Variants in ATP9B observed in about 807,000 individuals in gnomAD.
ATP9B encodes the protein probable phospholipid-transporting ATPase IIB.
Under a neutral mutation model 146.1 loss-of-function variants are expected in ATP9B, and 110 were observed. The observed-to-expected ratio is 0.75, with a 90% CI of 0.65 to 0.88. The LOEUF (loss-of-function observed/expected upper bound fraction) is 0.88. ATP9B is among the 40% of genes least tolerant of loss of function. ATP9B has a pLI of 0.00. For missense variants in ATP9B, 1,499 were observed against 1,496.4 expected, an observed-to-expected ratio of 1.00 and a Z score of -0.03; for synonymous variants, 604 against 569.7, an observed-to-expected ratio of 1.06 and a Z score of -0.86.
intron 7 of ATP9B, among the ~76,000 whole-genome samples, chr18:79,168,378 G>T (rs201702374): frequency 1.2e-4 from 17 of 143,776 alleles, no homozygotes; most frequent in South Asian, 4.4e-4. Flanking sequence ...TTTTGATTTT[G>T]TTTTTTTTTT....
intron 1 of ATP9B, 27 bp downstream of exon 1, chr18:79,069,556 C>T (rs1443726227): frequency 7.8e-7 from 1 of 1,279,238 alleles, no homozygotes; most frequent in Non-Finnish European, 1.0e-6. Flanking sequence ...TGGCCCCGTT[C>T]CCCGCCGACG....
At chr18:79,090,109 T>C (rs1307564639) in intron 1 of ATP9B, among the ~76,000 whole-genome samples, 1 of 152,226 alleles carries the variant, frequency 6.6e-6, no homozygotes, top group Non-Finnish European at 1.5e-5. Context: ...GATCTTATTC[T>C]TTTTTACTGT....
intron 5 of ATP9B, among the ~76,000 whole-genome samples, chr18:79,133,674 G>C (rs1445049892): frequency 1.3e-5 from 2 of 152,202 alleles, no homozygotes; most frequent in Non-Finnish European, 2.9e-5. Context: ...TAGAGGATCT[G>C]TGTGAATTCA....
chr18:79,290,422 G>A (rs1485731145), intron 13 of ATP9B, among the ~76,000 whole-genome samples: 1 of 152,234 alleles, frequency 6.6e-6, no homozygotes, highest in Non-Finnish European at 1.5e-5. Context: ...TCCGAGCCAG[G>A]TGCGGGATAT....
chr18:79,279,176 C>G lies in ATP9B; in HGVS notation c.1411+1980C>G, dbSNP rs547480767. Among the ~76,000 whole-genome samples the G allele has an allele frequency of 1.6e-4, 24 of 152,156 alleles. 1 individual carries two copies. Among genetic ancestry groups the G allele is most frequent in the Admixed American group, 1.2e-3 (19 of 15,282 alleles). On this transcript the variant is annotated intron_variant, in intron 13 of 29. Coordinates refer to ENST00000426216, the MANE Select transcript of ATP9B (RefSeq NM_198531.5). ...CCCCCTGCGAGGGCTGCTTTCCCAA[C>G]GTGGAGAGGCTTTTGGGGAGAAGCA...
intron 19 of ATP9B, among the ~76,000 whole-genome samples, chr18:79,339,186 C>T (rs954593379): frequency 6.8e-6 from 1 of 147,706 alleles, no homozygotes; most frequent in African/African-American, 2.5e-5. Context: ...GTAGGAAATA[C>T]GTCATGAGGC....
intron 11 of ATP9B, among the ~76,000 whole-genome samples, chr18:79,226,141 C>G (rs370532819): frequency 6.6e-6 from 1 of 152,266 alleles, no homozygotes; most frequent in African/African-American, 2.4e-5. Context: ...CTGCCGCCCT[C>G]TCTTCCTGCT....
At position 79,170,279 on chromosome 18, in the gene ATP9B, G is replaced by A. The variant is rs948879609; in HGVS notation, c.779-6534G>A. 2.6e-5 allele frequency among the ~76,000 whole-genome samples: 4 copies of A among 152,326 alleles called. 1 individual carries two copies. The highest frequency in any genetic ancestry group is 6.5e-5 in the Admixed American group (1 of 15,306). ...TAGTGTGATTCTGAATGAAATTGAT[G>A]AATGGGAGCACACAGTGATAAACAG... On this transcript the variant is annotated intron_variant, in intron 7 of 29. Coordinates refer to ENST00000426216, the MANE Select transcript of ATP9B (RefSeq NM_198531.5).
intron 2 of ATP9B, among the ~76,000 whole-genome samples, chr18:79,097,721 G>T (rs2074920635): frequency 1.4e-5 from 2 of 145,406 alleles, no homozygotes; most frequent in South Asian, 2.2e-4. Flanking sequence ...ATTTTTTATG[G>T]CTGCATAGTA....
chr18:79,132,113 G>A (rs1379524934), intron 5 of ATP9B, among the ~76,000 whole-genome samples: 12 of 151,994 alleles, frequency 7.9e-5, no homozygotes, highest in Admixed American at 7.9e-4. Flanking sequence ...TGTTACGTAC[G>A]TTTCACCCAA....
Position 79,303,516 on chromosome 18 carries a change from A to G in ATP9B, c.1412-88A>G, listed in dbSNP as rs947814454. 14 of 1,003,938 alleles carry G rather than the reference A, an allele frequency of 1.4e-5. No homozygotes were observed. The African/African-American group carries it at 1.7e-4, about 13-fold the overall frequency. 62.2% of individuals were successfully genotyped at this position (1,003,938 alleles called of 1,614,324 possible). On this transcript the variant is annotated intron_variant, in intron 13 of 29. Coordinates refer to ENST00000426216, the MANE Select transcript of ATP9B (RefSeq NM_198531.5). ...GCATCCCAGCTGCTTCAGCCCATGA[A>G]TGTGCAGCATGCCTGCATGGTAGGA...
At chr18:79,356,836 G>GAC (rs2096957452) in intron 25 of ATP9B, among the ~76,000 whole-genome samples, 1 of 32,148 alleles carries the variant, frequency 3.1e-5, no homozygotes, top group Non-Finnish European at 9.2e-5. Context: ...TGTGAGGGAT[G>GAC]CTCTGGGTCT....
Position 79,231,103 on chromosome 18 carries a change from G to A in ATP9B, c.1107+17065G>A, listed in dbSNP as rs141767284. Among the ~76,000 whole-genome samples, 781 of 152,204 alleles carry A rather than the reference G, an allele frequency of 5.1e-3. 12 individuals carry two copies. Among genetic ancestry groups the A allele is most frequent in the African/African-American group, 0.017 (709 of 41,550 alleles). ...AGACATTGGCTTAGGCAAAGACTTC[G>A]TGACCAAGAACCCAAAAGCAAATGC... On this transcript the variant is annotated intron_variant, in intron 11 of 29. Coordinates refer to ENST00000426216, the MANE Select transcript of ATP9B (RefSeq NM_198531.5).
chr18:79,367,896 G>A (rs1473213869), intron 26 of ATP9B, among the ~76,000 whole-genome samples: 1 of 152,244 alleles, frequency 6.6e-6, no homozygotes, highest in Non-Finnish European at 1.5e-5. Context: ...CGGGGAGACA[G>A]AGGCGCTGGC....
intron 13 of ATP9B, among the ~76,000 whole-genome samples, chr18:79,296,507 T>A (rs1297531766): frequency 6.6e-6 from 1 of 152,190 alleles, no homozygotes; most frequent in Non-Finnish European, 1.5e-5. Context: ...AAAAACAGAT[T>A]TTTCAAATAA....
intron 26 of ATP9B, among the ~76,000 whole-genome samples, chr18:79,366,904 C>A (rs185355032): frequency 6.6e-6 from 1 of 152,236 alleles, no homozygotes; most frequent in Non-Finnish European, 1.5e-5. Context: ...GCAGGTCTGA[C>A]GGCGTCAGAG....
At chr18:79,104,069 C>A (rs2075485965) in intron 2 of ATP9B, among the ~76,000 whole-genome samples, 1 of 152,094 alleles carries the variant, frequency 6.6e-6, no homozygotes, top group Non-Finnish European at 1.5e-5. Context: ...GACCTAAAGC[C>A]CTTCCTTTTT....
intron 1 of ATP9B, among the ~76,000 whole-genome samples, chr18:79,089,061 C>CT (rs2074091947): frequency 6.6e-6 from 1 of 151,956 alleles, no homozygotes; most frequent in South Asian, 2.1e-4. Flanking sequence ...TTTAAAAGTC[C>CT]TTTGTGATGG....
At chr18:79,098,398 A>C (rs200318177) in intron 2 of ATP9B, among the ~76,000 whole-genome samples, 30,343 of 144,382 alleles carry the variant, frequency 0.21, 3,377 homozygotes, top group East Asian at 0.48. Context: ...TAATTAAACT[A>C]AAGAGCTTCT....
Sources: allele counts gnomAD v4.1 joint callset (sites outside exome capture counted in the v4.1 genomes callset), GRCh38; gene constraint gnomAD v4.1.1; transcripts MANE v1.5; gene names NCBI Gene and HGNC (gene_info 2026-07-23, HGNC 2026-07-21).